NAV2: variants seen among roughly 807,000 people sequenced by gnomAD.
NAV2 encodes the protein neuron navigator 2, also known as helicase, APC down-regulated 1.
Under a neutral mutation model 223.2 loss-of-function variants are expected in NAV2, and 54 were observed. That is an observed-to-expected ratio of 0.24 (90% CI 0.19 to 0.30). The LOEUF (loss-of-function observed/expected upper bound fraction) is 0.30. Among genes scored for constraint, NAV2 ranks in the 10% least tolerant of loss-of-function variants. The probability of loss-of-function intolerance (pLI) is 1.00; values close to 1 mark genes in which losing one functional copy is unlikely to be tolerated. For missense variants in NAV2, 2,806 were observed against 3,147.5 expected (o/e 0.89, Z 2.60); for synonymous variants, 1,279 against 1,239.3 (o/e 1.03, Z -0.67).
chr11:19,476,035 C>T lies in NAV2; in HGVS notation c.75+125008C>T, dbSNP rs571398097. ...TACTCACTAGGCTGGAGTGCAGCGGCGGGATCTTGGCTCACTGTAACCTCC... is the reference window on the plus strand; with the variant it reads ...TACTCACTAGGCTGGAGTGCAGCGGTGGGATCTTGGCTCACTGTAACCTCC... On this transcript the variant is annotated intron_variant, in intron 1 of 37. Coordinates refer to the NAV2 transcript ENST00000360655. Among the ~76,000 whole-genome samples, 25 of 152,246 alleles carry T rather than the reference C, an allele frequency of 1.6e-4. No individual in the cohort carries two copies. The East Asian group carries it at 1.9e-3, about 12-fold the overall frequency.
intron 6 of NAV2, among the ~76,000 whole-genome samples, chr11:19,926,802 T>G (rs1174615269): frequency 1.3e-5 from 2 of 152,004 alleles, no homozygotes; most frequent in African/African-American, 4.8e-5. Flanking sequence ...GCCAGAAACC[T>G]CCCCAGGGCA....
At chr11:19,401,357 A>G (rs1478941446) in intron 1 of NAV2, among the ~76,000 whole-genome samples, 1 of 152,232 alleles carries the variant, frequency 6.6e-6, no homozygotes, top group African/African-American at 2.4e-5. Context: ...TTGGAATCCA[A>G]CTGTACCCCT....
intron 6 of NAV2, among the ~76,000 whole-genome samples, chr11:19,900,197 G>A (rs1674261866): frequency 6.6e-6 from 1 of 152,196 alleles, no homozygotes; most frequent in Non-Finnish European, 1.5e-5. Context: ...TGACCAGTTA[G>A]ACCACCTGTT....
At chr11:19,643,046 C>G (rs1175446299) in intron 1 of NAV2, among the ~76,000 whole-genome samples, 1 of 152,088 alleles carries the variant, frequency 6.6e-6, no homozygotes, top group South Asian at 2.1e-4. Flanking sequence ...TGCATAGCTG[C>G]CATCTGGTGT....
chr11:20,067,600 C>T (rs1430096838), intron 20 of NAV2, among the ~76,000 whole-genome samples: 1 of 151,866 alleles, frequency 6.6e-6, no homozygotes, highest in Non-Finnish European at 1.5e-5. Context: ...GCCTCAGCCT[C>T]CCAAGTAGCT....
At chr11:19,429,278 C>CCA (rs777824617) in intron 1 of NAV2, among the ~76,000 whole-genome samples, 8,613 of 152,278 alleles carry the variant, frequency 0.057, 309 homozygotes, top group South Asian at 0.086. Context: ...ATTTACTGGG[C>CCA]ACTTCTTGGC....
chr11:19,917,860 G>T (rs920089343), intron 6 of NAV2, among the ~76,000 whole-genome samples: 1 of 152,180 alleles, frequency 6.6e-6, no homozygotes, highest in African/African-American at 2.4e-5. Context: ...CAGGTGATCC[G>T]CCTACCTTGG....
intron 1 of NAV2, among the ~76,000 whole-genome samples, chr11:19,532,663 A>G (rs1363661724): frequency 6.6e-6 from 1 of 152,218 alleles, no homozygotes; most frequent in South Asian, 2.1e-4. Flanking sequence ...CAGGCTGCAG[A>G]CTAGAGTATT....
At chr11:19,833,627 C>G (rs1044064781) in intron 2 of NAV2, among the ~76,000 whole-genome samples, 3 of 152,218 alleles carry the variant, frequency 2.0e-5, no homozygotes, top group Non-Finnish European at 4.4e-5. Flanking sequence ...CAAACTTAGC[C>G]ACTTAAAACA....
chr11:19,777,634 T>C, intron 1 of NAV2: 8 of 428,424 alleles, frequency 1.9e-5, no homozygotes, highest in South Asian at 1.3e-4. Context: ...TGAAATGCAT[T>C]CCGCACTTGG....
chr11:19,997,737 G>A lies in NAV2; in HGVS notation c.2768+13490G>A, dbSNP rs186722293. On this transcript the variant is annotated intron_variant, in intron 11 of 37. Coordinates refer to ENST00000349880, the MANE Select transcript of NAV2 (RefSeq NM_145117.5). ...AGCCAGTGTTATATCAGAGACACCA[G>A]GCTGCCCCATCTCTAAAAGGGGAGG... 3.9e-5 allele frequency among the ~76,000 whole-genome samples: 6 copies of A among 152,264 alleles called. No individual in the cohort carries two copies. In the East Asian group the frequency reaches 1.2e-3, roughly 29 times the overall value.
chr11:19,907,280 A>C (rs949764657), intron 6 of NAV2, among the ~76,000 whole-genome samples: 1 of 152,130 alleles, frequency 6.6e-6, no homozygotes, highest in Non-Finnish European at 1.5e-5. Context: ...CTTCAGATCA[A>C]AAGTCTGAAG....
chr11:19,583,388 G>T (rs933056683), intron 1 of NAV2, among the ~76,000 whole-genome samples: 27 of 152,110 alleles, frequency 1.8e-4, no homozygotes, highest in African/African-American at 6.3e-4. Context: ...CTGCCTGATT[G>T]CCCTGGCCAG....
At chr11:19,898,664 T>G (rs1055541923) in intron 6 of NAV2, among the ~76,000 whole-genome samples, 1 of 152,214 alleles carries the variant, frequency 6.6e-6, no homozygotes, top group African/African-American at 2.4e-5. Flanking sequence ...GTTTTTTACA[T>G]GTATATAACC....
intron 1 of NAV2, among the ~76,000 whole-genome samples, chr11:19,683,676 G>A (rs556644747): frequency 6.6e-6 from 1 of 152,336 alleles, no homozygotes; most frequent in South Asian, 2.1e-4. Context: ...AGAAAGGCTG[G>A]GCTTCCAGTC....
chr11:19,788,899 C>A (rs2057330111), intron 1 of NAV2, among the ~76,000 whole-genome samples: 1 of 152,108 alleles, frequency 6.6e-6, no homozygotes, highest in African/African-American at 2.4e-5. Flanking sequence ...CATGTAGGTA[C>A]CCCCTGCAAA....
At position 19,545,695 on chromosome 11, in the gene NAV2, G is replaced by C. The variant is rs569083390; in HGVS notation, c.75+194668G>C. 7.2e-5 allele frequency among the ~76,000 whole-genome samples: 11 copies of C among 152,290 alleles called. 1 individual carries two copies. In the East Asian group the frequency reaches 2.1e-3, roughly 29 times the overall value. On this transcript the variant is annotated intron_variant, in intron 1 of 37. Coordinates refer to the NAV2 transcript ENST00000360655. ...ACGAGCTTGTCCAACCCGCGGCCCA[G>C]GGTGGCTTTAAATGCAGCCCAACAC...
Position 20,118,440 on chromosome 11 carries a change from C to T in NAV2, c.*182C>T, listed in dbSNP as rs560919771. The T allele has an allele frequency of 1.5e-5, 10 of 654,108 alleles. No homozygotes were observed. Among genetic ancestry groups the T allele is most frequent in the Middle Eastern group, 8.8e-4 (2 of 2,274 alleles). The allele number at this position is 654,108 out of a possible 1,614,324, so 40.5% of individuals were successfully genotyped here. On this transcript the variant is annotated 3_prime_UTR_variant, in exon 38 of 38. Coordinates refer to ENST00000349880, the MANE Select transcript of NAV2 (RefSeq NM_145117.5). Reference sequence around the variant, plus strand: ...GCAGGCATCCCGGGCCAGCTGCCTGCGGACCGCTTCCTTCCACAGCGAGAA... The same window carrying T: ...GCAGGCATCCCGGGCCAGCTGCCTGTGGACCGCTTCCTTCCACAGCGAGAA...
At chr11:19,489,728 G>A (rs750727874) in intron 1 of NAV2, among the ~76,000 whole-genome samples, 12 of 152,178 alleles carry the variant, frequency 7.9e-5, no homozygotes, top group East Asian at 5.8e-4. Flanking sequence ...GATATACTAC[G>A]TACTGAGTCC....
Sources: allele counts gnomAD v4.1 joint callset (sites outside exome capture counted in the v4.1 genomes callset), GRCh38; gene constraint gnomAD v4.1.1; transcripts MANE v1.5; gene names NCBI Gene and HGNC (gene_info 2026-07-23, HGNC 2026-07-21).